The following MED29 variants were observed in gnomAD, a reference collection of about 807,000 sequenced individuals.
MED29 encodes mediator complex subunit 29.
Under a neutral mutation model 22.0 loss-of-function variants are expected in MED29, and 14 were observed. The observed-to-expected ratio is 0.64, with a 90% CI of 0.42 to 0.99. MED29 has a LOEUF of 0.99. Among genes scored for constraint, MED29 ranks in the 50% least tolerant of loss-of-function variants. The pLI, the probability that MED29 is intolerant of heterozygous loss-of-function variation, is 0.00. For synonymous variants in MED29, 123 were observed against 107.8 expected (o/e 1.14, Z -0.87); for missense variants, 241 against 253.7 (o/e 0.95, Z 0.34).
At position 39,398,067 on chromosome 19, in the gene MED29, A is replaced by C; in HGVS notation, c.*368A>C. The C allele has an allele frequency of 2.1e-6, 1 of 465,868 alleles. No homozygotes were observed. Among genetic ancestry groups the C allele is most frequent in the Non-Finnish European group, 3.8e-6 (1 of 260,936 alleles). 28.9% of individuals were successfully genotyped at this position (465,868 alleles called of 1,614,324 possible). A position where few individuals can be genotyped will look rare whatever the true frequency, so the allele number is the denominator to read the frequency against. On this transcript the variant is annotated 3_prime_UTR_variant, in exon 4 of 4. Transcript: ENST00000315588. ...CTGTGTGCCACTCCTCTGTGTCTCT[A>C]TTACAGTTGTGTCTCTCTCATCCTG...
chr19:39,394,170 G>A (rs1342479962), intron 3 of MED29, among the ~76,000 whole-genome samples: 1 of 152,110 alleles, frequency 6.6e-6, no homozygotes, highest in African/African-American at 2.4e-5. Flanking sequence ...GAGTTTCCAG[G>A]AAAACTTAGA....
At chr19:39,396,375 C>T (rs1490079815) in intron 3 of MED29, among the ~76,000 whole-genome samples, 1 of 151,608 alleles carries the variant, frequency 6.6e-6, no homozygotes, top group Non-Finnish European at 1.5e-5. Flanking sequence ...GTGGAGGTTG[C>T]AGTGAACCAA....
At position 39,393,651 on chromosome 19, in the gene MED29, T is replaced by A. The variant is rs780397603; in HGVS notation, c.360+14T>A. 2 of 1,609,710 alleles carry A rather than the reference T, an allele frequency of 1.2e-6. No individual in the cohort carries two copies. Among genetic ancestry groups the A allele is most frequent in the Admixed American group, 3.3e-5 (2 of 60,022 alleles). On this transcript the variant is annotated intron_variant, in intron 3 of 3. Transcript: ENST00000315588. ...GAGCTGTGCCTGGTAAGAAGCCTTCTGGACACGGGGTAACAACAGCCGTGT... is the reference window on the plus strand; with the variant it reads ...GAGCTGTGCCTGGTAAGAAGCCTTCAGGACACGGGGTAACAACAGCCGTGT...
In MED29 at chr19:39,396,885, G is replaced by A. The variant is rs377036030; in HGVS notation, c.361-572G>A. 2.8e-4 allele frequency among the ~76,000 whole-genome samples: 42 copies of A among 151,542 alleles called. No individual in the cohort carries two copies. In the South Asian group the frequency reaches 7.1e-3, roughly 26 times the overall value. ...ACTAAAAATAAAAAAAAAATTAGCCGGGTGTGGTGGCGGGTGCCTGTAATC... is the reference window on the plus strand; with the variant it reads ...ACTAAAAATAAAAAAAAAATTAGCCAGGTGTGGTGGCGGGTGCCTGTAATC... On this transcript the variant is annotated intron_variant, in intron 3 of 3. Coordinates refer to ENST00000315588, the MANE Select transcript of MED29 (RefSeq NM_017592.4).
At position 39,391,605 on chromosome 19, in the gene MED29, G is replaced by T; in HGVS notation, c.183G>T (p.Lys61Asn). The T allele has an allele frequency of 6.2e-7, 1 of 1,608,624 alleles. No individual in the cohort carries two copies. Among genetic ancestry groups the T allele is most frequent in the Non-Finnish European group, 8.5e-7 (1 of 1,176,734 alleles). The change falls in exon 1 of 4, where the codon AAG becomes AAT. Residue 61 changes from lysine to asparagine, a missense_variant. Coordinates refer to ENST00000315588, the MANE Select transcript of MED29 (RefSeq NM_017592.4). ...QQDFDPVQRY[K>N]MLIPQLKESL... The stretch of plus-strand genomic sequence containing the variant: ...ACTTCGATCCTGTGCAGCGTTATAA[G>T]ATGCTCATCCCGCAGCTGAAGGAGA...
At chr19:39,392,764 T>TA in intron 2 of MED29, 1 of 507,404 alleles carries the variant, frequency 2.0e-6, no homozygotes, top group Non-Finnish European at 3.5e-6. Flanking sequence ...TAGCCAGGAC[T>TA]ACAGACATGG....
At chr19:39,396,359 C>T (rs774410071) in intron 3 of MED29, among the ~76,000 whole-genome samples, 19 of 150,594 alleles carry the variant, frequency 1.3e-4, no homozygotes, top group Middle Eastern at 3.6e-3. Flanking sequence ...CTCTTGAACC[C>T]GGGAGGTGGA....
chr19:39,392,996 C>A (rs1484187385), intron 2 of MED29, among the ~76,000 whole-genome samples: 1 of 151,510 alleles, frequency 6.6e-6, no homozygotes, highest in Non-Finnish European at 1.5e-5. Context: ...ACAGTCCTTC[C>A]ACCTTGGCCT....
chr19:39,399,524 ACT>A lies in MED29; in HGVS notation c.*1828_*1829del, dbSNP rs1025457830. On this transcript the variant is annotated 3_prime_UTR_variant, in exon 4 of 4. Coordinates refer to ENST00000315588, the MANE Select transcript of MED29 (RefSeq NM_017592.4). Reference sequence around the variant, plus strand: ...ACTCCAGCCTGGGCGACAGGGCAAGACTCTGTCTCAAAAAAAATAAAAAACTG... The same window carrying A: ...ACTCCAGCCTGGGCGACAGGGCAAGACTGTCTCAAAAAAAATAAAAAACTG... 1.3e-5 allele frequency: 2 copies of A among 152,086 alleles called. No individual in the cohort carries two copies. The highest frequency in any genetic ancestry group is 4.8e-5 in the African/African-American group (2 of 41,376). The allele number at this position is 152,086 out of a possible 1,614,324, so 9.4% of individuals were successfully genotyped here.
intron 3 of MED29, among the ~76,000 whole-genome samples, chr19:39,394,411 C>G (rs1039244524): frequency 2.6e-5 from 4 of 151,822 alleles, no homozygotes; most frequent in Non-Finnish European, 5.9e-5. Context: ...ATAGGCATAC[C>G]ACGCCTGGCT....
intron 3 of MED29, among the ~76,000 whole-genome samples, chr19:39,396,668 GT>G (rs1335621268): frequency 2.0e-5 from 3 of 152,016 alleles, no homozygotes; most frequent in Non-Finnish European, 2.9e-5. Flanking sequence ...AGAGGTTGCA[GT>G]GAGCCAAGAT....
chr19:39,391,808 C>T (rs987298196), intron 1 of MED29, among the ~76,000 whole-genome samples, 170 bp downstream of exon 1: 7 of 152,172 alleles, frequency 4.6e-5, no homozygotes, highest in Middle Eastern at 3.4e-3. Flanking sequence ...CCGAGGCGGG[C>T]GGATCACTTG....
chr19:39,393,196 A>G (rs1022522402), intron 2 of MED29, among the ~76,000 whole-genome samples: 5 of 142,158 alleles, frequency 3.5e-5, no homozygotes, highest in South Asian at 2.2e-4. Flanking sequence ...CCCGGGTTCA[A>G]ATGATTCTCC....
chr19:39,397,017 A>C (rs1600627246), intron 3 of MED29, among the ~76,000 whole-genome samples: 1 of 145,956 alleles, frequency 6.9e-6, no homozygotes, highest in South Asian at 2.3e-4. Context: ...AACAAAACCG[A>C]AACTCCATCT....
At chr19:39,394,043 AAGAAG>A (rs1568378620) in intron 3 of MED29, among the ~76,000 whole-genome samples, 1 of 152,170 alleles carries the variant, frequency 6.6e-6, no homozygotes, top group Non-Finnish European at 1.5e-5. Flanking sequence ...GTCTGAAACA[AAGAAG>A]AGAAGAGGGG....
intron 3 of MED29, among the ~76,000 whole-genome samples, chr19:39,394,342 A>G (rs2078416523): frequency 6.6e-6 from 1 of 151,784 alleles, no homozygotes; most frequent in Non-Finnish European, 1.5e-5. Flanking sequence ...GCTCACTGCA[A>G]TCTCCTCCTC....
rs1892334751 is a variant in MED29, at chr19:39,398,258, G to C, written c.*559G>C. On this transcript the variant is annotated 3_prime_UTR_variant, in exon 4 of 4. Coordinates refer to ENST00000315588, the MANE Select transcript of MED29 (RefSeq NM_017592.4). ...GGGGCCAGCACCCCTGGGTTATCTG[G>C]GGCTAAGGGAAGGGACTTCATTTCC... The C allele has an allele frequency of 6.4e-6, 1 of 157,050 alleles. No homozygotes were observed. The highest frequency in any genetic ancestry group is 2.4e-5 in the African/African-American group (1 of 41,538). The allele number at this position is 157,050 out of a possible 1,614,324, so 9.7% of individuals were successfully genotyped here. A position where few individuals can be genotyped will look rare whatever the true frequency, so the allele number is the denominator to read the frequency against.
At chr19:39,395,203 A>G (rs775506712) in intron 3 of MED29, among the ~76,000 whole-genome samples, 1 of 152,200 alleles carries the variant, frequency 6.6e-6, no homozygotes, top group Non-Finnish European at 1.5e-5. Context: ...TGTCAGAACC[A>G]TGTTCCAAAC....
In MED29 at chr19:39,397,988, G is replaced by A. The variant is rs1295382486; in HGVS notation, c.*289G>A. 1 of 546,846 alleles carries A rather than the reference G, an allele frequency of 1.8e-6. No individual in the cohort carries two copies. The highest frequency in any genetic ancestry group is 3.2e-6 in the Non-Finnish European group (1 of 308,892). 33.9% of individuals were successfully genotyped at this position (546,846 alleles called of 1,614,324 possible). A position where few individuals can be genotyped will look rare whatever the true frequency, so the allele number is the denominator to read the frequency against. The stretch of plus-strand genomic sequence containing the variant: ...CATTCTTGCCTGGGTGTGGAGCCCT[G>A]GCTGTCCCCTCTCCCTCAGTCCTTC... On this transcript the variant is annotated 3_prime_UTR_variant, in exon 4 of 4. Transcript: ENST00000315588.
Sources: gnomAD v4.1 joint callset for allele counts (sites outside exome capture counted in the v4.1 genomes callset) on GRCh38, gnomAD v4.1.1 for gene constraint, MANE v1.5 for transcripts, NCBI Gene and HGNC (gene_info 2026-07-23, HGNC 2026-07-21) for gene names.